The following KIF7 variants were observed in gnomAD, a reference collection of about 807,000 sequenced individuals.
The protein encoded by KIF7 is kinesin-like protein KIF7.
KIF7 carries 104 observed loss-of-function variants against 135.7 expected under a neutral mutation model. The ratio of observed to expected loss-of-function variants is 0.77; its 90% CI spans 0.65 to 0.90. The LOEUF (loss-of-function observed/expected upper bound fraction) is 0.90, where lower values mean the gene tolerates loss of function less well. Ranked by LOEUF, KIF7 falls within the 40% of genes least tolerant of loss-of-function variation. The pLI is 0.00. For synonymous variants in KIF7, 883 were observed against 809.4 expected, an observed-to-expected ratio of 1.09 and a Z score of -1.54; for missense variants, 2,005 against 1,839.1, an observed-to-expected ratio of 1.09 and a Z score of -1.65.
rs927224863 is a variant in KIF7, at chr15:89,619,579, AAGCTAAT to A, written c.181-1391_181-1385del. ...TAAGAGACACTTCAGAAGTCTCTTA[AAGCTAAT>A]AGCTTGCTGAATTTCCATCTTATAT... is the stretch of plus-strand genomic sequence containing the variant. On this transcript the variant is annotated intron_variant and NMD_transcript_variant, in intron 1 of 2. Transcript: ENST00000558928. The A allele has an allele frequency of 6.2e-6, 6 of 962,420 alleles. No homozygotes were observed. The African/African-American group carries it at 9.9e-5, about 16-fold the overall frequency. The allele number at this position is 962,420 out of a possible 1,614,324, so 59.6% of individuals were successfully genotyped here.
At chr15:89,627,704 GC>G (rs1963559977), downstream of KIF7, 1 of 153,134 alleles carries the variant, frequency 6.5e-6, no homozygotes, top group South Asian at 2.1e-4. Flanking sequence ...CTGTCCAAGA[GC>G]CAGCCAGTTC....
At chr15:89,649,696 C>T in intron 3 of KIF7, 45 bp downstream of exon 3, 2 of 1,537,464 alleles carry the variant, frequency 1.3e-6, no homozygotes, top group Middle Eastern at 1.7e-4. Context: ...AGGTGAAGCC[C>T]CCCTAAGCCC....
chr15:89,655,798 T>A (rs1294273470), upstream of KIF7, among the ~76,000 whole-genome samples: 1 of 152,222 alleles, frequency 6.6e-6, no homozygotes, highest in Non-Finnish European at 1.5e-5. Context: ...GCAGAAACTT[T>A]AATCTCCCCA....
At chr15:89,640,824 TAAAAAAA>T (rs10716351) in intron 11 of KIF7, among the ~76,000 whole-genome samples, 1,559 of 134,606 alleles carry the variant, frequency 0.012, 37 homozygotes, top group African/African-American at 0.041. Flanking sequence ...TGTCTCTACT[TAAAAAAA>T]AAAAAAAAAA....
chr15:89,626,591 A>C (rs1211818764), downstream of KIF7, among the ~76,000 whole-genome samples: 1 of 151,986 alleles, frequency 6.6e-6, no homozygotes, highest in Admixed American at 6.6e-5. Context: ...TCAAAGGGGG[A>C]GTGCAGGAGG....
intron 11 of KIF7, among the ~76,000 whole-genome samples, chr15:89,634,321 G>A (rs1008699971): frequency 6.6e-6 from 1 of 152,170 alleles, no homozygotes; most frequent in Non-Finnish European, 1.5e-5. Context: ...CAGGACACAG[G>A]AGCCAAGATG....
intron 16 of KIF7, 182 bp from the exon 17 acceptor site, chr15:89,629,755 G>T (rs1034486856): frequency 2.8e-6 from 2 of 725,212 alleles, no homozygotes; most frequent in East Asian, 2.7e-5. Context: ...ATCTTCCAAC[G>T]ATCAGAGCTG....
chr15:89,645,328 C>G lies in KIF7; in HGVS notation c.2038+8G>C. On this transcript the variant is annotated splice_region_variant and intron_variant, in intron 9 of 18. Transcript: ENST00000394412. ...GAGGAGGCCCTCTCTGCATCCCACC[C>G]AGCTTACCTCTGGACCCTGGAATGG... 6.2e-7 allele frequency: 1 copy of G among 1,613,530 alleles called. No individual in the cohort carries two copies. The highest frequency in any genetic ancestry group is 8.5e-7 in the Non-Finnish European group (1 of 1,179,492).
At chr15:89,642,071 G>T in intron 11 of KIF7, 132 bp downstream of exon 11, 1 of 936,164 alleles carries the variant, frequency 1.1e-6, no homozygotes, top group Non-Finnish European at 1.6e-6. Flanking sequence ...GCCTCACCCT[G>T]CAGGGCCAGG....
intron 7 of KIF7, among the ~76,000 whole-genome samples, chr15:89,646,259 T>A (rs1203416166): frequency 6.6e-6 from 1 of 152,102 alleles, no homozygotes; most frequent in African/African-American, 2.4e-5. Flanking sequence ...GGTGACAATC[T>A]GCCCTTTCTA....
At chr15:89,621,554 T>C (rs373838190) in intron 1 of KIF7, 31 of 1,604,786 alleles carry the variant, frequency 1.9e-5, no homozygotes, top group Non-Finnish European at 2.1e-5. Flanking sequence ...TTACCAGGTA[T>C]AATGTTTCTG....
At chr15:89,626,050 A>G (rs571941291), downstream of KIF7, 73 of 1,613,886 alleles carry the variant, frequency 4.5e-5, no homozygotes, top group South Asian at 6.6e-4. Context: ...TCTCAGAGCA[A>G]AGACCCCAGA....
chr15:89,620,786 A>G (rs1377084753), intron 1 of KIF7, among the ~76,000 whole-genome samples: 1 of 151,928 alleles, frequency 6.6e-6, no homozygotes, highest in Non-Finnish European at 1.5e-5. Context: ...GCAGTGGCGC[A>G]ATCTTGGCTC....
chr15:89,638,442 C>G (rs1213682946), intron 11 of KIF7, among the ~76,000 whole-genome samples: 17 of 150,460 alleles, frequency 1.1e-4, no homozygotes, highest in African/African-American at 3.7e-4. Context: ...TAAGCAACTT[C>G]AGCAAAGTCT....
At chr15:89,647,126 G>T in intron 6 of KIF7, 69 bp from the exon 7 acceptor site, 1 of 1,377,682 alleles carries the variant, frequency 7.3e-7, no homozygotes. Flanking sequence ...GGAAACTGAG[G>T]AACAGGTCTG....
intron 2 of KIF7, among the ~76,000 whole-genome samples, chr15:89,651,945 G>C (rs1964130361): frequency 6.6e-6 from 1 of 152,176 alleles, no homozygotes; most frequent in Admixed American, 6.5e-5. Flanking sequence ...GCGACTGTCT[G>C]TAAGGAAGAA....
intron 1 of KIF7, among the ~76,000 whole-genome samples, chr15:89,653,760 G>C (rs200400464): frequency 3.8e-5 from 1 of 26,392 alleles, no homozygotes; most frequent in Non-Finnish European, 1.3e-4. Flanking sequence ...ATTAGTATTA[G>C]TATTAGTATT....
chr15:89,645,561 G>A (rs1596076351), intron 8 of KIF7, 110 bp from the exon 9 acceptor site: 3 of 873,142 alleles, frequency 3.4e-6, no homozygotes, highest in South Asian at 2.8e-5. Context: ...ACCTCCCAGG[G>A]TCAATATAAA....
intron 11 of KIF7, among the ~76,000 whole-genome samples, chr15:89,635,972 C>T (rs1194849755): frequency 2.6e-5 from 4 of 151,928 alleles, no homozygotes; most frequent in Non-Finnish European, 4.4e-5. Flanking sequence ...AGACTAACAG[C>T]GGATCTCTCG....
Sources: allele counts gnomAD v4.1 joint callset (sites outside exome capture counted in the v4.1 genomes callset), GRCh38; gene constraint gnomAD v4.1.1; transcripts MANE v1.5; gene names NCBI Gene and HGNC (gene_info 2026-07-23, HGNC 2026-07-21).